ATP13A5: variants seen among roughly 807,000 people sequenced by gnomAD.
The protein encoded by ATP13A5 is ATPase 13A5.
ATP13A5 carries 149 observed loss-of-function variants against 150.2 expected under a neutral mutation model. That is an observed-to-expected ratio of 0.99 (90% CI 0.87 to 1.14). ATP13A5 has a LOEUF of 1.14. ATP13A5 is among the 50% of genes most tolerant of loss of function. ATP13A5 has a pLI of 0.00. For missense variants in ATP13A5, 1,383 were observed against 1,449.3 expected (o/e 0.95, Z 0.74); for synonymous variants, 497 against 522.2 (o/e 0.95, Z 0.66).
chr3:193,327,517 A>C (rs1719508692), intron 12 of ATP13A5, among the ~76,000 whole-genome samples: 1 of 152,206 alleles, frequency 6.6e-6, no homozygotes, highest in African/African-American at 2.4e-5. Context: ...TATGGGTGAC[A>C]CAGTGACTGT....
chr3:193,284,337 A>G (rs1446486733), intron 27 of ATP13A5, among the ~76,000 whole-genome samples: 1 of 152,064 alleles, frequency 6.6e-6, no homozygotes, highest in Non-Finnish European at 1.5e-5. Flanking sequence ...AGCTGGGAGG[A>G]CCTTAATTGT....
intron 17 of ATP13A5, among the ~76,000 whole-genome samples, chr3:193,316,990 A>G (rs1719074796): frequency 1.3e-5 from 2 of 152,240 alleles, no homozygotes; most frequent in South Asian, 4.1e-4. Context: ...TGGCTATGAC[A>G]CATAAAGCAC....
In ATP13A5 at chr3:193,326,902, G is replaced by A. The variant is rs916666417; in HGVS notation, c.1523+94C>T. 8 of 1,043,116 alleles carry A rather than the reference G, an allele frequency of 7.7e-6. No individual in the cohort carries two copies. The Admixed American group carries it at 9.3e-5, about 12-fold the overall frequency. The allele number at this position is 1,043,116 out of a possible 1,614,324, so 64.6% of individuals were successfully genotyped here. On this transcript the variant is annotated intron_variant, in intron 13 of 29. Coordinates refer to ENST00000342358, the MANE Select transcript of ATP13A5 (RefSeq NM_198505.4). ...CAGCCAACTATTGTATATATTTTAT[G>A]TGACATTCATCCCTTAACACCCAAA...
At chr3:193,341,172 C>A (rs1026262780) in intron 9 of ATP13A5, among the ~76,000 whole-genome samples, 2 of 137,062 alleles carry the variant, frequency 1.5e-5, no homozygotes, top group African/African-American at 6.5e-5. Context: ...ATTCCCCCCC[C>A]CTCCCAAATG....
chr3:193,315,090 T>C lies in ATP13A5; in HGVS notation c.2040A>G (p.Lys680=). The change falls in exon 18 of 30, where the codon AAA becomes AAG. Residue 680 remains lysine (K), a synonymous_variant. Transcript: ENST00000342358. ...LSEVEHLARE[K]VESELTFLGL... ...CCAGAAATGTTAACTCTGACTCCACTTTTTCTCTTTGTATTCAGGAGAAAA... is the reference window on the plus strand; with the variant it reads ...CCAGAAATGTTAACTCTGACTCCACCTTTTCTCTTTGTATTCAGGAGAAAA... The C allele has an allele frequency of 6.2e-7, 1 of 1,613,292 alleles. No homozygotes were observed. Among genetic ancestry groups the C allele is most frequent in the Non-Finnish European group, 8.5e-7 (1 of 1,179,598 alleles).
At chr3:193,292,763 A>G (rs1390443226) in intron 25 of ATP13A5, among the ~76,000 whole-genome samples, 5 of 152,092 alleles carry the variant, frequency 3.3e-5, no homozygotes, top group African/African-American at 1.2e-4. Context: ...ATGAATGGGG[A>G]GAATAACTGC....
chr3:193,347,023 C>T (rs994811084), intron 7 of ATP13A5, among the ~76,000 whole-genome samples: 6 of 152,194 alleles, frequency 3.9e-5, no homozygotes, highest in African/African-American at 9.6e-5. Flanking sequence ...TAAGAAATTG[C>T]GCCTTAGAAT....
intron 12 of ATP13A5, among the ~76,000 whole-genome samples, chr3:193,328,352 T>A (rs903521277): frequency 3.3e-5 from 5 of 152,198 alleles, no homozygotes; most frequent in Admixed American, 1.3e-4. Context: ...AAACAACAAC[T>A]TTTTGAAAAA....
At chr3:193,326,281 A>G (rs952550816) in intron 13 of ATP13A5, among the ~76,000 whole-genome samples, 1 of 152,054 alleles carries the variant, frequency 6.6e-6, no homozygotes, top group Non-Finnish European at 1.5e-5. Flanking sequence ...GGGAGATACC[A>G]TGAGGAGATT....
intron 5 of ATP13A5, among the ~76,000 whole-genome samples, chr3:193,361,758 T>C (rs976436267): frequency 6.6e-6 from 1 of 152,226 alleles, no homozygotes; most frequent in Non-Finnish European, 1.5e-5. Flanking sequence ...TGTGCCACCA[T>C]TTATGCCTCT....
At chr3:193,306,403 A>T (rs1252742684) in intron 22 of ATP13A5, among the ~76,000 whole-genome samples, 1 of 152,124 alleles carries the variant, frequency 6.6e-6, no homozygotes. Flanking sequence ...CACATAATTA[A>T]TGTGAGAGGA....
In ATP13A5 at chr3:193,362,551, A is replaced by T. The variant is rs767650162; in HGVS notation, c.455+16T>A. 2 of 1,614,066 alleles carry T rather than the reference A, an allele frequency of 1.2e-6. No individual in the cohort carries two copies. Among genetic ancestry groups the T allele is most frequent in the Non-Finnish European group, 1.7e-6 (2 of 1,179,896 alleles). On this transcript the variant is annotated intron_variant, in intron 4 of 29. Coordinates refer to ENST00000342358, the MANE Select transcript of ATP13A5 (RefSeq NM_198505.4). ...CCCTATATCCTGACCAAGGGGTGAC[A>T]AAACATTGTACTTACCCAACTTTCT...
At chr3:193,280,970 A>G (rs1279850574) in intron 27 of ATP13A5, among the ~76,000 whole-genome samples, 1 of 152,172 alleles carries the variant, frequency 6.6e-6, no homozygotes, top group Non-Finnish European at 1.5e-5. Flanking sequence ...TGAAGTGAAC[A>G]GAGTTCTGTT....
intron 16 of ATP13A5, among the ~76,000 whole-genome samples, chr3:193,320,387 T>C (rs1719218398): frequency 6.6e-6 from 1 of 152,150 alleles, no homozygotes; most frequent in Non-Finnish European, 1.5e-5. Flanking sequence ...AAGATAGTAT[T>C]AGCGTAAGTC....
intron 1 of ATP13A5, among the ~76,000 whole-genome samples, chr3:193,366,628 A>T (rs566272113): frequency 6.6e-6 from 1 of 152,168 alleles, no homozygotes; most frequent in East Asian, 1.9e-4. Flanking sequence ...TAGAATTTAA[A>T]TCTACTCTCA....
chr3:193,275,074 G>T lies in ATP13A5; in HGVS notation c.3625C>A (p.Pro1209Thr). Reference protein sequence around the residue: ...PKRKLKLGGQPTEQHFWARL With the variant: ...PKRKLKLGGQTTEQHFWARL ...CTGGCCCAGAAATGCTGTTCTGTGG[G>T]TTGGCCTCCCAATTTGAGTTTTCTT... Residue 1209 changes from proline to threonine, a missense_variant, in exon 30 of 30, where the codon CCC becomes ACC. By Grantham distance (38) the Pro-to-Thr change is conservative. Around this residue, in one of 3 missense-constraint regions of ATP13A5, gnomAD observed 568 missense variants for 621.5 expected, o/e 0.91. Coordinates refer to ENST00000342358, the MANE Select transcript of ATP13A5 (RefSeq NM_198505.4). 1.2e-6 allele frequency: 2 copies of T among 1,614,200 alleles called. No individual in the cohort carries two copies. Among genetic ancestry groups the T allele is most frequent in the Non-Finnish European group, 8.5e-7 (1 of 1,180,038 alleles).
chr3:193,305,710 T>G, intron 22 of ATP13A5, 42 bp from the exon 23 acceptor site: 1 of 1,559,146 alleles, frequency 6.4e-7, no homozygotes, highest in South Asian at 1.1e-5. Flanking sequence ...CTTTTCAGGT[T>G]AGGCTTTACC....
intron 11 of ATP13A5, among the ~76,000 whole-genome samples, chr3:193,332,412 A>G (rs1446219581): frequency 6.6e-6 from 1 of 152,192 alleles, no homozygotes; most frequent in Non-Finnish European, 1.5e-5. Flanking sequence ...GGAGGCTCAC[A>G]CAATTAAGGT....
chr3:193,332,637 T>A (rs10937581), intron 11 of ATP13A5, among the ~76,000 whole-genome samples: 22,413 of 152,064 alleles, frequency 0.15, 1,913 homozygotes, highest in East Asian at 0.25. Context: ...TATCAATTTA[T>A]CACAAAATTC....
Sources: gnomAD v4.1 joint callset for allele counts (sites outside exome capture counted in the v4.1 genomes callset) on GRCh38, gnomAD v4.1.1 for gene constraint, gnomAD v4.1.1 regional missense constraint, MANE v1.5 for transcripts, NCBI Gene and HGNC (gene_info 2026-07-23, HGNC 2026-07-21) for gene names.